IGF2BP2: variants seen among roughly 807,000 people sequenced by gnomAD.
IGF2BP2 encodes insulin like growth factor 2 mRNA binding protein 2, also known as insulin-like growth factor 2 mRNA-binding protein 2.
Under a neutral mutation model 75.8 loss-of-function variants are expected in IGF2BP2, and 17 were observed. The observed-to-expected ratio is 0.22, with a 90% CI of 0.15 to 0.34. IGF2BP2 has a LOEUF of 0.34. Ranked by LOEUF, IGF2BP2 falls within the 10% of genes least tolerant of loss-of-function variation. The pLI, the probability that IGF2BP2 is intolerant of heterozygous loss-of-function variation, is 1.00. For synonymous variants in IGF2BP2, 288 were observed against 295.6 expected (o/e 0.97, Z 0.26); for missense variants, 516 against 772.4 (o/e 0.67, Z 3.93).
intron 2 of IGF2BP2, among the ~76,000 whole-genome samples, chr3:185,754,184 G>C (rs534788030): frequency 3.3e-4 from 50 of 152,206 alleles, no homozygotes; most frequent in African/African-American, 1.1e-3. Flanking sequence ...ACTCTAGCCT[G>C]GGTGACAGAG....
At chr3:185,737,133 C>A (rs1006116511) in intron 2 of IGF2BP2, among the ~76,000 whole-genome samples, 1 of 152,176 alleles carries the variant, frequency 6.6e-6, no homozygotes, top group Non-Finnish European at 1.5e-5. Flanking sequence ...ATGTTTACAT[C>A]CTTCACATTC....
intron 2 of IGF2BP2, chr3:185,821,008 G>A (rs1256500195): frequency 6.5e-7 from 1 of 1,535,396 alleles, no homozygotes; most frequent in Non-Finnish European, 8.7e-7. Flanking sequence ...AAATGTCACA[G>A]TACCCTGGAT....
Position 185,707,295 on chromosome 3 carries a change from C to CTTTTTTTTT in IGF2BP2, c.240-8957_240-8949dup, listed in dbSNP as rs1159568857. On this transcript the variant is annotated intron_variant, in intron 2 of 15. Transcript: ENST00000382199. ...TTATATTCAGTGTGTAACGAAGGGGCTTTTTTTTTTTTTTTTTTTTTTTTT... is the reference window on the plus strand; with the variant it reads ...TTATATTCAGTGTGTAACGAAGGGGCTTTTTTTTTTTTTTTTTTTTTTTTTTTTTTTTTT... 4.8e-4 allele frequency among the ~76,000 whole-genome samples: 19 copies of CTTTTTTTTT among 39,854 alleles called. 5 individuals carry two copies. The highest frequency in any genetic ancestry group is 1.7e-3 in the African/African-American group (15 of 8,906). The allele number at this position is 39,854 out of a possible 152,430, so 26.1% of individuals were successfully genotyped here. A position where few individuals can be genotyped will look rare whatever the true frequency, so the allele number is the denominator to read the frequency against.
intron 5 of IGF2BP2, among the ~76,000 whole-genome samples, chr3:185,691,301 T>C (rs1371076922): frequency 1.3e-5 from 2 of 151,276 alleles, no homozygotes; most frequent in Non-Finnish European, 2.9e-5. Flanking sequence ...TTTCTCCATG[T>C]TGGTCAGGCT....
chr3:185,780,551 T>G (rs1358052138), intron 2 of IGF2BP2, among the ~76,000 whole-genome samples: 1 of 152,228 alleles, frequency 6.6e-6, no homozygotes. Flanking sequence ...CAGCTGCTAC[T>G]GCGTATATTC....
intron 2 of IGF2BP2, among the ~76,000 whole-genome samples, chr3:185,707,959 A>G (rs1724283911): frequency 6.6e-6 from 1 of 152,194 alleles, no homozygotes; most frequent in South Asian, 2.1e-4. Context: ...ATTTTATTTG[A>G]TGAAGTCTAA....
rs193048474 is a variant in IGF2BP2, at chr3:185,743,311, T to C, written c.240-44964A>G. 2.2e-3 allele frequency among the ~76,000 whole-genome samples: 328 copies of C among 152,300 alleles called. 3 individuals carry two copies. Among genetic ancestry groups the C allele is most frequent in the African/African-American group, 7.5e-3 (311 of 41,570 alleles). On this transcript the variant is annotated intron_variant, in intron 2 of 15. Transcript: ENST00000382199. ...TATTTTTTGAGACAGAGTCTTGCTC[T>C]GTTGCCCAGGCTGGAGTGCAGTAAC...
At chr3:185,738,528 G>A (rs1729141150) in intron 2 of IGF2BP2, among the ~76,000 whole-genome samples, 5 of 152,176 alleles carry the variant, frequency 3.3e-5, no homozygotes. Flanking sequence ...AACCAGAGAG[G>A]GGAGAACGAA....
At chr3:185,815,436 G>A (rs1740471119) in intron 2 of IGF2BP2, among the ~76,000 whole-genome samples, 1 of 152,144 alleles carries the variant, frequency 6.6e-6, no homozygotes, top group Non-Finnish European at 1.5e-5. Context: ...CAAATGAGAT[G>A]GACAACAAGC....
chr3:185,710,317 T>A (rs1279933033), intron 2 of IGF2BP2, among the ~76,000 whole-genome samples: 2 of 152,142 alleles, frequency 1.3e-5, no homozygotes, highest in Non-Finnish European at 2.9e-5. Flanking sequence ...ATTGTGTGCA[T>A]AACAGCATGG....
At chr3:185,730,428 CT>C (rs71632076) in intron 2 of IGF2BP2, among the ~76,000 whole-genome samples, 8,823 of 96,834 alleles carry the variant, frequency 0.091, 150 homozygotes, top group Middle Eastern at 0.16. Context: ...GCGCAGGTGT[CT>C]TTTTTTTTTT....
intron 12 of IGF2BP2, among the ~76,000 whole-genome samples, 180 bp from the exon 13 acceptor site, chr3:185,652,348 T>C (rs1714741529): frequency 6.6e-6 from 1 of 152,152 alleles, no homozygotes; most frequent in African/African-American, 2.4e-5. Flanking sequence ...ATGACTGTAA[T>C]GCCCAGTATC....
At chr3:185,677,068 T>TATATATAGAGAGAGAGAGAGAGAG in intron 7 of IGF2BP2, among the ~76,000 whole-genome samples, 6 of 35,856 alleles carry the variant, frequency 1.7e-4, no homozygotes, top group African/African-American at 3.1e-4. Flanking sequence ...TATATATATA[T>TATATATAGAGAGAGAGAGAGAGAG]AGAGAGAGAG....
intron 2 of IGF2BP2, among the ~76,000 whole-genome samples, chr3:185,743,823 G>A (rs192332393): frequency 3.3e-5 from 5 of 152,204 alleles, no homozygotes; most frequent in East Asian, 1.9e-4. Context: ...TGAAATCAAC[G>A]AATTAACACA....
chr3:185,788,544 TCA>T, intron 2 of IGF2BP2, among the ~76,000 whole-genome samples: 1 of 152,184 alleles, frequency 6.6e-6, no homozygotes, highest in East Asian at 1.9e-4. Context: ...GTTGTATGTT[TCA>T]ATGCCTTGAT....
intron 2 of IGF2BP2, among the ~76,000 whole-genome samples, chr3:185,743,981 G>C (rs1410383632): frequency 6.6e-6 from 1 of 152,172 alleles, no homozygotes; most frequent in African/African-American, 2.4e-5. Flanking sequence ...TCCTGGGAGG[G>C]AAAAACTGCA....
intron 2 of IGF2BP2, among the ~76,000 whole-genome samples, chr3:185,759,627 C>T (rs1732089119): frequency 6.6e-6 from 1 of 152,204 alleles, no homozygotes; most frequent in Non-Finnish European, 1.5e-5. Flanking sequence ...CTGAGAAGCA[C>T]ACGGAAGGCT....
At position 185,650,692 on chromosome 3, in the gene IGF2BP2, G is replaced by GA. The variant is rs554627154; in HGVS notation, c.1462-1159dup. ...ACTCCGTCTCAAAAAAATAAAAACT[G>GA]AAAAAAAAAAAAATATATCAATTTC... On this transcript the variant is annotated intron_variant, in intron 13 of 15. Coordinates refer to ENST00000382199, the MANE Select transcript of IGF2BP2 (RefSeq NM_006548.6). Among the ~76,000 whole-genome samples, 739 of 138,240 alleles carry GA rather than the reference G, an allele frequency of 5.3e-3. 9 individuals are homozygous for GA. Among genetic ancestry groups the GA allele is most frequent in the East Asian group, 0.049 (236 of 4,806 alleles). 90.7% of individuals were successfully genotyped at this position (138,240 alleles called of 152,430 possible). A position where few individuals can be genotyped will look rare whatever the true frequency, so the allele number is the denominator to read the frequency against.
At chr3:185,694,733 G>A (rs1029735426) in intron 4 of IGF2BP2, among the ~76,000 whole-genome samples, 1 of 152,160 alleles carries the variant, frequency 6.6e-6, no homozygotes, top group Non-Finnish European at 1.5e-5. Flanking sequence ...ATCTTAACTA[G>A]TAACTTTTAC....
Sources: allele counts gnomAD v4.1 joint callset (sites outside exome capture counted in the v4.1 genomes callset), GRCh38; gene constraint gnomAD v4.1.1; transcripts MANE v1.5; gene names NCBI Gene and HGNC (gene_info 2026-07-23, HGNC 2026-07-21).